Variants in GMCL1 observed in about 807,000 individuals in gnomAD.
GMCL1 encodes germ cell-less 1, spermatogenesis associated, also known as germ cell-less protein-like 1.
Under a neutral mutation model 75.5 loss-of-function variants are expected in GMCL1, and 54 were observed. The observed-to-expected ratio is 0.71, with a 90% CI of 0.57 to 0.90. The LOEUF (loss-of-function observed/expected upper bound fraction) is 0.90. Among genes scored for constraint, GMCL1 ranks in the 40% least tolerant of loss-of-function variants. GMCL1 has a pLI of 0.00. For synonymous variants in GMCL1, 210 were observed against 209.6 expected, an observed-to-expected ratio of 1.00 and a Z score of -0.02; for missense variants, 537 against 622.7, an observed-to-expected ratio of 0.86 and a Z score of 1.47.
chr2:69,869,026 G>C (rs1208996850), intron 11 of GMCL1, among the ~76,000 whole-genome samples: 2 of 151,766 alleles, frequency 1.3e-5, no homozygotes, highest in Non-Finnish European at 2.9e-5. Context: ...GCCGAGGCGG[G>C]CGGATCACCT....
At chr2:69,862,217 G>A (rs1206172834) in intron 10 of GMCL1, among the ~76,000 whole-genome samples, 1 of 152,104 alleles carries the variant, frequency 6.6e-6, no homozygotes, top group East Asian at 1.9e-4. Context: ...GAGACTGAGT[G>A]TACAGAAAGA....
Position 69,830,050 on chromosome 2 carries a change from A to C in GMCL1, c.158A>C (p.Lys53Thr). The C allele has an allele frequency of 1.9e-6, 3 of 1,566,206 alleles. No individual in the cohort carries two copies. The highest frequency in any genetic ancestry group is 8.7e-7 in the Non-Finnish European group (1 of 1,154,864). ...TACTGTGCGGGCAGCCACAAGCGCA[A>C]GCGGAGCAGCGGGTCCTTCTGCTAC... ...FCYCAGSHKR[K>T]RSSGSFCYCH... The change falls in exon 1 of 14, where the codon AAG becomes ACG. Residue 53 changes from lysine to threonine, a missense_variant. By Grantham distance (78) the Lys-to-Thr change is moderately conservative. Around this residue, in one of 3 missense-constraint regions of GMCL1, gnomAD observed 144 missense variants for 127.2 expected, o/e 1.13. Transcript: ENST00000282570.
At chr2:69,848,244 G>T (rs575687231) in intron 7 of GMCL1, among the ~76,000 whole-genome samples, 1 of 152,160 alleles carries the variant, frequency 6.6e-6, no homozygotes, top group Non-Finnish European at 1.5e-5. Flanking sequence ...CCTTTTGTCC[G>T]CAAAACAGTG....
rs766834755 is a variant in GMCL1 at position 69,829,930 on chromosome 2, G to A, written c.38G>A (p.Arg13Lys). 20 of 1,605,192 alleles carry A rather than the reference G, an allele frequency of 1.2e-5. No individual in the cohort carries two copies. The highest frequency in any genetic ancestry group is 1.7e-4 in the Middle Eastern group (1 of 6,042). ...AGCAGCCGGGTGCTGCGCCAGCCAA[G>A]ACCAGCCCTTGCCCAGCAGGCGCAG... ...SLSSRVLRQP[R>K]PALAQQAQGA... Residue 13 changes from arginine (R) to lysine (K), a missense_variant, in exon 1 of 14, where the codon AGA becomes AAA. This residue lies in a region of GMCL1 where 144 missense variants were observed against 127.2 expected (regional missense o/e 1.13). Coordinates refer to ENST00000282570, the MANE Select transcript of GMCL1 (RefSeq NM_178439.5).
Position 69,869,761 on chromosome 2 carries a change from C to G in GMCL1, c.1261C>G (p.Leu421Val), listed in dbSNP as rs1270772857. ...WTGFNFGFDL[L>V]VTYTNRYIIF... Reference sequence around the variant, plus strand: ...AGGTTTTAACTTCGGCTTCGACCTACTTGTAACTTACACCAATCGATACAT... The same window carrying G: ...AGGTTTTAACTTCGGCTTCGACCTAGTTGTAACTTACACCAATCGATACAT... Residue 421 changes from leucine (L) to valine (V), a missense_variant, in exon 12 of 14, where the codon CTT becomes GTT. Leu to Val is a conservative substitution (Grantham distance 32). Transcript: ENST00000282570. The G allele has an allele frequency of 1.9e-6, 3 of 1,614,048 alleles. No homozygotes were observed. The highest frequency in any genetic ancestry group is 4.5e-5 in the East Asian group (2 of 44,872).
intron 13 of GMCL1, among the ~76,000 whole-genome samples, chr2:69,873,176 T>C (rs1341062730): frequency 6.6e-6 from 1 of 152,088 alleles, no homozygotes; most frequent in Non-Finnish European, 1.5e-5. Flanking sequence ...TTAAAGTGAA[T>C]GCATACCTGA....
chr2:69,847,698 G>A, intron 7 of GMCL1, 71 bp downstream of exon 7: 1 of 853,976 alleles, frequency 1.2e-6, no homozygotes, highest in South Asian at 1.6e-5. Context: ...GTGAAAAACT[G>A]GAAACAGTAT....
At chr2:69,837,835 A>G (rs1674862885) in intron 2 of GMCL1, among the ~76,000 whole-genome samples, 165 bp downstream of exon 2, 1 of 152,204 alleles carries the variant, frequency 6.6e-6, no homozygotes. Flanking sequence ...AGTGAAAACT[A>G]AGTTTGGTCT....
chr2:69,879,075 C>T lies in GMCL1; in HGVS notation c.*71C>T, dbSNP rs998786868. ...GTTGGAAACAGTAGCACTTTGAAAA[C>T]TTTTTAGGCCAGCTTTAATTTAATG... On this transcript the variant is annotated 3_prime_UTR_variant, in exon 14 of 14. Transcript: ENST00000282570. 1 of 908,750 alleles carries T rather than the reference C, an allele frequency of 1.1e-6. No individual in the cohort carries two copies. Among genetic ancestry groups the T allele is most frequent in the Non-Finnish European group, 1.8e-6 (1 of 563,728 alleles). 56.3% of individuals were successfully genotyped at this position (908,750 alleles called of 1,614,324 possible).
chr2:69,837,512 A>G (rs1674852627), intron 1 of GMCL1, 35 bp from the exon 2 acceptor site: 1 of 1,393,650 alleles, frequency 7.2e-7, no homozygotes, highest in Non-Finnish European at 9.8e-7. Flanking sequence ...ATTCAGTTTT[A>G]TATAAATATG....
intron 1 of GMCL1, among the ~76,000 whole-genome samples, chr2:69,832,219 CAAA>C (rs774662812): frequency 5.9e-5 from 7 of 117,830 alleles, no homozygotes; most frequent in African/African-American, 1.8e-4. Flanking sequence ...GACTCTGTCT[CAAA>C]AAAAAAAAAA....
chr2:69,839,718 T>G (rs1674927469), intron 3 of GMCL1, among the ~76,000 whole-genome samples, 165 bp downstream of exon 3: 1 of 152,238 alleles, frequency 6.6e-6, no homozygotes, highest in Non-Finnish European at 1.5e-5. Flanking sequence ...ATCAGTTCTG[T>G]CCATCTTATC....
At chr2:69,865,720 A>C (rs1675796638) in intron 11 of GMCL1, among the ~76,000 whole-genome samples, 1 of 152,136 alleles carries the variant, frequency 6.6e-6, no homozygotes, top group African/African-American at 2.4e-5. Context: ...ATTTAAAAAC[A>C]ATACTTACCC....
chr2:69,839,529 C>T lies in GMCL1; in HGVS notation c.457C>T (p.Pro153Ser). ...SSMNIIELEIPDQNIDVEALQ... is the reference protein window; with the variant it reads ...SSMNIIELEISDQNIDVEALQ... ...CATGAATATTATTGAACTGGAGATT[C>T]CTGACCAGAACATTGATGTAGAAGG... The change falls in exon 3 of 14, where the codon CCT (proline) becomes TCT (serine). Residue 153 changes from proline to serine, a missense_variant. By Grantham distance (74) the Pro-to-Ser change is moderately conservative. Coordinates refer to ENST00000282570, the MANE Select transcript of GMCL1 (RefSeq NM_178439.5). 2 of 1,595,012 alleles carry T rather than the reference C, an allele frequency of 1.3e-6. No individual in the cohort carries two copies. The highest frequency in any genetic ancestry group is 1.7e-6 in the Non-Finnish European group (2 of 1,163,988).
At chr2:69,856,708 T>C (rs986087124) in intron 9 of GMCL1, among the ~76,000 whole-genome samples, 9 of 148,732 alleles carry the variant, frequency 6.1e-5, no homozygotes, top group Non-Finnish European at 1.2e-4. Flanking sequence ...TAGAAGACTT[T>C]CTGGCTCTCA....
At chr2:69,854,722 T>C (rs536400281) in intron 8 of GMCL1, 101 bp from the exon 9 acceptor site, 2 of 863,594 alleles carry the variant, frequency 2.3e-6, no homozygotes, top group South Asian at 4.0e-5. Flanking sequence ...GCTTATTTTG[T>C]ATTCTAATAG....
At chr2:69,849,530 T>C (rs1474987813) in intron 7 of GMCL1, 122 bp from the exon 8 acceptor site, 2 of 585,500 alleles carry the variant, frequency 3.4e-6, no homozygotes, top group East Asian at 6.4e-5. Context: ...TTGCAATTGC[T>C]GGTAAAGTAG....
intron 1 of GMCL1, among the ~76,000 whole-genome samples, chr2:69,831,720 C>T (rs576483911): frequency 6.6e-6 from 1 of 152,270 alleles, no homozygotes; most frequent in Admixed American, 6.5e-5. Context: ...AATTCTCCCA[C>T]CTCAGCCTTC....
chr2:69,853,457 G>GA (rs1289779823), intron 8 of GMCL1, among the ~76,000 whole-genome samples: 2 of 152,014 alleles, frequency 1.3e-5, no homozygotes, highest in African/African-American at 4.8e-5. Flanking sequence ...CAATTTTCAG[G>GA]AAAAAAATAT....
Sources: gnomAD v4.1 joint callset for allele counts (sites outside exome capture counted in the v4.1 genomes callset) on GRCh38, gnomAD v4.1.1 for gene constraint, gnomAD v4.1.1 regional missense constraint, MANE v1.5 for transcripts, NCBI Gene and HGNC (gene_info 2026-07-23, HGNC 2026-07-21) for gene names.